The following ATXN8OS variants were observed in gnomAD, a reference collection of about 807,000 sequenced individuals.
ATXN8OS encodes ATXN8 opposite strand (non-protein coding).
intron 4 of ATXN8OS, among the ~76,000 whole-genome samples, chr13:70,168,195 T>C (rs1006629195): frequency 1.3e-4 from 20 of 152,078 alleles, no homozygotes; most frequent in African/African-American, 4.6e-4. Context: ...CAGTCAGCAG[T>C]TACCTTCTTT....
chr13:70,116,554 C>G lies in ATXN8OS; in HGVS notation n.398+1256C>G, dbSNP rs373944787. Among the ~76,000 whole-genome samples the G allele has an allele frequency of 7.2e-5, 11 of 152,188 alleles. No homozygotes were observed. In the East Asian group the frequency reaches 9.7e-4, roughly 13 times the overall value. On this transcript the variant is annotated intron_variant and non_coding_transcript_variant, in intron 2 of 4. Coordinates refer to ENST00000678624, the Ensembl canonical transcript of ATXN8OS. ...AAACGAAACGAGCTCTATTGGAGTT[C>G]AAGGAGGCAGCAGACAAGATACCAG... is the stretch of plus-strand genomic sequence containing the variant.
At chr13:70,109,052 A>C (rs1195871333) in intron 1 of ATXN8OS, among the ~76,000 whole-genome samples, 2 of 152,232 alleles carry the variant, frequency 1.3e-5, no homozygotes, top group Non-Finnish European at 2.9e-5. Flanking sequence ...AGTGTAAATC[A>C]AGAATGGAAT....
At chr13:70,138,611 T>C (rs923444416) in intron 3 of ATXN8OS, among the ~76,000 whole-genome samples, 1 of 152,112 alleles carries the variant, frequency 6.6e-6, no homozygotes, top group Non-Finnish European at 1.5e-5. Context: ...TCACCAATAA[T>C]ATTCATCATT....
chr13:70,151,657 T>C (rs1277479361), intron 4 of ATXN8OS, among the ~76,000 whole-genome samples: 2 of 152,152 alleles, frequency 1.3e-5, no homozygotes, highest in East Asian at 3.9e-4. Flanking sequence ...CAGCTTTGAA[T>C]GTCAAGCTAA....
intron 4 of ATXN8OS, among the ~76,000 whole-genome samples, chr13:70,148,162 G>A (rs1888812889): frequency 6.6e-6 from 1 of 152,134 alleles, no homozygotes; most frequent in South Asian, 2.1e-4. Context: ...GACCTTAGAA[G>A]ATGTCAGACT....
At chr13:70,126,807 A>G (rs943907925) in intron 2 of ATXN8OS, among the ~76,000 whole-genome samples, 3 of 151,744 alleles carry the variant, frequency 2.0e-5, no homozygotes, top group African/African-American at 7.2e-5. Context: ...TATATCTACA[A>G]ATAGATAAAG....
At chr13:70,160,758 TTTATATAATATGTAA>T (rs1888997664) in intron 4 of ATXN8OS, among the ~76,000 whole-genome samples, 5 of 21,924 alleles carry the variant, frequency 2.3e-4, no homozygotes, top group Non-Finnish European at 9.5e-4. Context: ...TAATTTTATA[TTTATATAATATGTAA>T]ATATATAAAT....
At chr13:70,153,989 T>C (rs1252920435) in intron 4 of ATXN8OS, among the ~76,000 whole-genome samples, 1 of 152,136 alleles carries the variant, frequency 6.6e-6, no homozygotes, top group Non-Finnish European at 1.5e-5. Flanking sequence ...ACCTGGCCTG[T>C]ACTTATTACT....
At chr13:70,161,270 C>G (rs959632331) in intron 4 of ATXN8OS, among the ~76,000 whole-genome samples, 1 of 151,870 alleles carries the variant, frequency 6.6e-6, no homozygotes, top group Non-Finnish European at 1.5e-5. Context: ...GAGTAAACCA[C>G]CAAGTATTCT....
intron 4 of ATXN8OS, among the ~76,000 whole-genome samples, chr13:70,147,468 C>T (rs1451200091): frequency 6.6e-6 from 1 of 152,068 alleles, no homozygotes; most frequent in African/African-American, 2.4e-5. Flanking sequence ...ATGTTACTCT[C>T]TTCAGTGTTT....
chr13:70,165,264 T>G (rs1889064726), intron 4 of ATXN8OS, among the ~76,000 whole-genome samples: 1 of 151,718 alleles, frequency 6.6e-6, no homozygotes, highest in South Asian at 2.1e-4. Context: ...GAGAACTCCA[T>G]TAATAAGAAC....
At position 70,160,805 on chromosome 13, in the gene ATXN8OS, TTATAA is replaced by T. The variant is rs202104905; in HGVS notation, n.574-8947_574-8943del. On this transcript the variant is annotated intron_variant and non_coding_transcript_variant, in intron 4 of 4. Transcript: ENST00000678624. ...AAATATTTATTTATAAATATATTTA[TTATAA>T]ATATATATAAATATATATTTATATA... 3.2e-3 allele frequency among the ~76,000 whole-genome samples: 48 copies of T among 14,986 alleles called. 2 individuals carry two copies. Among genetic ancestry groups the T allele is most frequent in the Non-Finnish European group, 0.017 (40 of 2,346 alleles). 9.8% of individuals were successfully genotyped at this position (14,986 alleles called of 152,430 possible).
intron 4 of ATXN8OS, among the ~76,000 whole-genome samples, chr13:70,148,711 T>C (rs2137497541): frequency 6.6e-6 from 1 of 152,276 alleles, no homozygotes; most frequent in African/African-American, 2.4e-5. Flanking sequence ...CTCCTGAGAT[T>C]CATTTTAGAA....
At chr13:70,133,578 T>A (rs1349623915) in intron 3 of ATXN8OS, among the ~76,000 whole-genome samples, 1 of 152,176 alleles carries the variant, frequency 6.6e-6, no homozygotes, top group Non-Finnish European at 1.5e-5. Flanking sequence ...TTATTTAAGA[T>A]GAGGTCCTAA....
At chr13:70,158,123 A>C (rs1461574831) in intron 4 of ATXN8OS, among the ~76,000 whole-genome samples, 1 of 152,170 alleles carries the variant, frequency 6.6e-6, no homozygotes, top group Non-Finnish European at 1.5e-5. Flanking sequence ...ACACTTCTTT[A>C]AGATAGAAGA....
At chr13:70,118,549 A>G (rs1888313956) in intron 2 of ATXN8OS, among the ~76,000 whole-genome samples, 1 of 152,098 alleles carries the variant, frequency 6.6e-6, no homozygotes, top group South Asian at 2.1e-4. Flanking sequence ...GCATTTATAT[A>G]TTTCATTTAT....
At chr13:70,162,549 A>G (rs1399632082) in intron 4 of ATXN8OS, among the ~76,000 whole-genome samples, 2 of 152,034 alleles carry the variant, frequency 1.3e-5, no homozygotes, top group Admixed American at 1.3e-4. Flanking sequence ...GAAAAATGGG[A>G]GGAAGAGAGA....
rs1888873521 is a variant in ATXN8OS at position 70,151,937 on chromosome 13, C to T, written n.573+4509C>T. Among the ~76,000 whole-genome samples the T allele has an allele frequency of 5.9e-5, 9 of 152,134 alleles. No homozygotes were observed. The South Asian group carries it at 1.7e-3, about 28-fold the overall frequency. On this transcript the variant is annotated intron_variant and non_coding_transcript_variant, in intron 4 of 4. Transcript: ENST00000678624. The stretch of plus-strand genomic sequence containing the variant: ...AACATTAATTGATCATTTCACTCAT[C>T]AGTTTAAAACCCTTCAATGGTTTTC...
At chr13:70,135,384 C>T (rs1220571404) in intron 3 of ATXN8OS, among the ~76,000 whole-genome samples, 2 of 152,116 alleles carry the variant, frequency 1.3e-5, no homozygotes, top group Non-Finnish European at 2.9e-5. Context: ...TTACTGTTCT[C>T]ATTAATTATT....
Sources: gnomAD v4.1 joint callset for allele counts (sites outside exome capture counted in the v4.1 genomes callset) on GRCh38, gnomAD v4.1.1 for gene constraint, MANE v1.5 for transcripts, NCBI Gene and HGNC (gene_info 2026-07-23, HGNC 2026-07-21) for gene names.